The following RNF152 variants were observed in gnomAD, a reference collection of about 807,000 sequenced individuals.
RNF152 encodes the protein ring finger protein 152.
RNF152 carries 11 observed loss-of-function variants against 12.7 expected under a neutral mutation model. The observed-to-expected ratio is 0.86, with a 90% confidence interval of 0.54 to 1.43. The LOEUF is 1.43. Among genes scored for constraint, RNF152 ranks in the 40% most tolerant of loss-of-function variants. The pLI is 0.00. For missense variants in RNF152, 255 were observed against 274.8 expected (o/e 0.93, Z 0.51); for synonymous variants, 113 against 120.3 (o/e 0.94, Z 0.40).
intron 1 of RNF152, among the ~76,000 whole-genome samples, chr18:61,818,402 G>A (rs1447566050): frequency 1.3e-5 from 2 of 151,672 alleles, no homozygotes; most frequent in Non-Finnish European, 2.9e-5. Flanking sequence ...CAGCCTGGAT[G>A]ACAGAATGAG....
At chr18:61,830,186 C>T (rs904194458) in intron 1 of RNF152, among the ~76,000 whole-genome samples, 4 of 151,920 alleles carry the variant, frequency 2.6e-5, no homozygotes, top group African/African-American at 9.7e-5. Flanking sequence ...TGTAGTCTGG[C>T]TAATTTTTTG....
At chr18:61,889,727 T>C (rs557747292) in intron 1 of RNF152, among the ~76,000 whole-genome samples, 1 of 152,284 alleles carries the variant, frequency 6.6e-6, no homozygotes, top group South Asian at 2.1e-4. Flanking sequence ...TCCTGCCCCC[T>C]TCAGATCTTA....
intron 1 of RNF152, among the ~76,000 whole-genome samples, chr18:61,872,377 T>C (rs747993623): frequency 2.0e-5 from 3 of 152,216 alleles, no homozygotes; most frequent in Admixed American, 6.5e-5. Flanking sequence ...CTTCCAGTCC[T>C]AGAGGTGGAA....
Position 61,842,126 on chromosome 18 carries a change from T to C in RNF152, c.-135-25528A>G, listed in dbSNP as rs537819375. Among the ~76,000 whole-genome samples the C allele has an allele frequency of 3.3e-5, 5 of 152,376 alleles. No individual in the cohort carries two copies. The East Asian group carries it at 9.6e-4, about 29-fold the overall frequency. On this transcript the variant is annotated intron_variant, in intron 1 of 1. Transcript: ENST00000312828. ...TTTTATTAAGGGTTCACATGTATTT[T>C]TACCACAAGTTGATCATATTCACTT...
intron 1 of RNF152, among the ~76,000 whole-genome samples, chr18:61,832,592 T>C (rs886196033): frequency 8.5e-5 from 13 of 152,308 alleles, no homozygotes; most frequent in Middle Eastern, 3.4e-3. Flanking sequence ...CTTATCTTTC[T>C]CAGGATAGTC....
At chr18:61,888,964 A>C (rs144422930) in intron 1 of RNF152, 1 of 152,352 alleles carries the variant, frequency 6.6e-6, no homozygotes, top group East Asian at 1.9e-4. Context: ...ATAGAAATGC[A>C]TTTTGGGGCT....
intron 1 of RNF152, among the ~76,000 whole-genome samples, chr18:61,843,213 T>G (rs1225734296): frequency 1.3e-5 from 2 of 152,158 alleles, no homozygotes; most frequent in Admixed American, 6.5e-5. Context: ...TTTCAACTCG[T>G]GCACACCCTA....
intron 1 of RNF152, among the ~76,000 whole-genome samples, chr18:61,845,660 A>G (rs1295968193): frequency 6.6e-6 from 1 of 152,244 alleles, no homozygotes; most frequent in Non-Finnish European, 1.5e-5. Flanking sequence ...AAACAAGGCT[A>G]TAGATTACTG....
At chr18:61,865,824 A>G (rs967782505) in intron 1 of RNF152, among the ~76,000 whole-genome samples, 6 of 152,192 alleles carry the variant, frequency 3.9e-5, no homozygotes, top group Non-Finnish European at 7.3e-5. Flanking sequence ...AACCTACAAA[A>G]AATCTGCTCA....
intron 1 of RNF152, among the ~76,000 whole-genome samples, chr18:61,870,091 G>C (rs59051201): frequency 6.6e-6 from 1 of 152,050 alleles, no homozygotes; most frequent in Non-Finnish European, 1.5e-5. Context: ...CAAACCTCAC[G>C]CTCTCTTGGA....
intron 1 of RNF152, among the ~76,000 whole-genome samples, chr18:61,852,797 C>T (rs1004102597): frequency 2.6e-5 from 4 of 152,190 alleles, no homozygotes; most frequent in African/African-American, 9.6e-5. Context: ...AGCTACAGAA[C>T]ATAAGGCACA....
chr18:61,848,624 A>G (rs1910839343), intron 1 of RNF152, among the ~76,000 whole-genome samples: 1 of 152,216 alleles, frequency 6.6e-6, no homozygotes, highest in Non-Finnish European at 1.5e-5. Flanking sequence ...TGCAGGGTTA[A>G]GGGTCCTACA....
intron 1 of RNF152, among the ~76,000 whole-genome samples, chr18:61,850,438 T>C (rs1000082760): frequency 7.9e-5 from 12 of 152,348 alleles, no homozygotes; most frequent in African/African-American, 2.9e-4. Flanking sequence ...TTGCTAGAAT[T>C]ATTCTATACC....
chr18:61,886,247 G>T (rs963761694), intron 1 of RNF152, among the ~76,000 whole-genome samples: 1 of 151,982 alleles, frequency 6.6e-6, no homozygotes, highest in Non-Finnish European at 1.5e-5. Context: ...AGCTAAAAGG[G>T]TCTAAAATTC....
chr18:61,873,748 T>G (rs2144742296), intron 1 of RNF152, among the ~76,000 whole-genome samples: 1 of 152,346 alleles, frequency 6.6e-6, no homozygotes, highest in African/African-American at 2.4e-5. Context: ...AAAAGTCCGT[T>G]ATGAACATCA....
intron 1 of RNF152, among the ~76,000 whole-genome samples, chr18:61,870,015 T>C (rs1212393377): frequency 6.6e-6 from 1 of 152,202 alleles, no homozygotes; most frequent in Non-Finnish European, 1.5e-5. Flanking sequence ...TTTTTATCCA[T>C]GAAGGAAAAG....
intron 1 of RNF152, among the ~76,000 whole-genome samples, chr18:61,875,803 A>C: frequency 6.6e-6 from 1 of 151,152 alleles, no homozygotes; most frequent in African/African-American, 2.4e-5. Context: ...CATTCCTGCC[A>C]CCCTCCCCAA....
chr18:61,853,627 C>T (rs1568280332), intron 1 of RNF152, among the ~76,000 whole-genome samples: 1 of 152,266 alleles, frequency 6.6e-6, no homozygotes, highest in East Asian at 1.9e-4. Flanking sequence ...TGGCTGCCTG[C>T]ATTCCCCAGC....
intron 1 of RNF152, among the ~76,000 whole-genome samples, chr18:61,862,577 G>T (rs1911535606): frequency 6.6e-6 from 1 of 152,238 alleles, no homozygotes; most frequent in Admixed American, 6.5e-5. Flanking sequence ...GGTTCAAGGA[G>T]CTTCCAGACA....
Sources: allele counts gnomAD v4.1 joint callset (sites outside exome capture counted in the v4.1 genomes callset), GRCh38; gene constraint gnomAD v4.1.1; transcripts MANE v1.5; gene names NCBI Gene and HGNC (gene_info 2026-07-23, HGNC 2026-07-21).